Variants in TUT7 observed in about 807,000 individuals in gnomAD.
TUT7 encodes terminal uridylyltransferase 7.
Under a neutral mutation model 165.9 loss-of-function variants are expected in TUT7, and 33 were observed. The ratio of observed to expected loss-of-function variants is 0.20; its 90% CI spans 0.15 to 0.27. The LOEUF is 0.27. Ranked by LOEUF, TUT7 falls within the 10% of genes least tolerant of loss-of-function variation. The pLI is 1.00. For missense variants in TUT7, 1,338 were observed against 1,762.3 expected, an observed-to-expected ratio of 0.76 and a Z score of 4.31; for synonymous variants, 552 against 608.1, an observed-to-expected ratio of 0.91 and a Z score of 1.36.
intron 5 of TUT7, among the ~76,000 whole-genome samples, chr9:86,343,430 T>C (rs1388524494): frequency 1.3e-5 from 2 of 152,188 alleles, no homozygotes; most frequent in Non-Finnish European, 2.9e-5. Flanking sequence ...TACGTTATCA[T>C]GTATTTTATG....
At chr9:86,347,823 C>T (rs1243829193) in intron 2 of TUT7, among the ~76,000 whole-genome samples, 2 of 152,090 alleles carry the variant, frequency 1.3e-5, no homozygotes, top group Non-Finnish European at 2.9e-5. Context: ...TTAATACTCC[C>T]CCGACTCCCA....
rs369332289 is a variant in TUT7, at chr9:86,346,395, A to C, written c.606T>G (p.Pro202=). The C allele has an allele frequency of 5.6e-6, 9 of 1,614,004 alleles. No individual in the cohort carries two copies. Among genetic ancestry groups the C allele is most frequent in the Non-Finnish European group, 7.6e-6 (9 of 1,179,994 alleles). Residue 202 remains proline, a synonymous_variant, in exon 3 of 27, where the codon CCT becomes CCG. Coordinates refer to ENST00000375963, the MANE Select transcript of TUT7 (RefSeq NM_024617.4). ...ENEQDGDLEG[P]VIDESVLSTK... Reference sequence around the variant, plus strand: ...TTGAAAGTACAGACTCATCGATCACAGGGCCTTCCAAGTCTCCATCCTGCT... The same window carrying C: ...TTGAAAGTACAGACTCATCGATCACCGGGCCTTCCAAGTCTCCATCCTGCT...
In TUT7 at chr9:86,288,821, C is replaced by G. The variant is rs896587299; in HGVS notation, c.4421-77G>C. The G allele has an allele frequency of 4.3e-6, 5 of 1,171,704 alleles. No individual in the cohort carries two copies. The African/African-American group carries it at 7.7e-5, about 18-fold the overall frequency. 72.6% of individuals were successfully genotyped at this position (1,171,704 alleles called of 1,614,324 possible). ...TATGACAAAAGCCATAAAATTACTT[C>G]TTATTAAGTAGTCACAAAAACTTCA... On this transcript the variant is annotated intron_variant, in intron 26 of 26. Coordinates refer to ENST00000375963, the MANE Select transcript of TUT7 (RefSeq NM_024617.4).
chr9:86,296,734 C>T (rs949351124), intron 26 of TUT7, among the ~76,000 whole-genome samples: 6 of 152,154 alleles, frequency 3.9e-5, no homozygotes, highest in Non-Finnish European at 7.3e-5. Context: ...AGGGGCTGTC[C>T]GTATCAACAT....
intron 2 of TUT7, chr9:86,352,438 G>T: frequency 1.7e-6 from 1 of 582,134 alleles, no homozygotes; most frequent in Non-Finnish European, 3.0e-6. Flanking sequence ...CATGTTTACT[G>T]ACGTAAAGTG....
rs1410680883 is a variant in TUT7 at position 86,311,369 on chromosome 9, T to C, written c.3275-560A>G. Among the ~76,000 whole-genome samples the C allele has an allele frequency of 6.6e-6, 1 of 152,044 alleles. No homozygotes were observed. The highest frequency in any genetic ancestry group is 6.6e-5 in the Admixed American group (1 of 15,260). ...GCAAAAATAGTGGCAGTTGAGCAAA[T>C]TTACCAGGCAAGGCAAACTGTACAC... On this transcript the variant is annotated intron_variant, in intron 17 of 26. Transcript: ENST00000375963. The surrounding 1 kb of genome is among the most constrained non-coding windows in gnomAD (Gnocchi z 4.4).
intron 20 of TUT7, 67 bp downstream of exon 20, chr9:86,309,396 A>G (rs984255394): frequency 6.8e-7 from 1 of 1,479,794 alleles, no homozygotes; most frequent in African/African-American, 1.4e-5. Context: ...ACAGAATTTT[A>G]GAGGAGGAGA....
In TUT7 at chr9:86,338,772, A is replaced by G. The variant is rs115863104; in HGVS notation, c.1335+51T>C. The G allele has an allele frequency of 9.1e-4, 1,300 of 1,431,394 alleles. 13 individuals carry two copies. In the African/African-American group the frequency reaches 0.017, roughly 19 times the overall value. The allele number at this position is 1,431,394 out of a possible 1,614,324, so 88.7% of individuals were successfully genotyped here. A position where few individuals can be genotyped will look rare whatever the true frequency, so the allele number is the denominator to read the frequency against. On this transcript the variant is annotated intron_variant, in intron 9 of 26. Coordinates refer to ENST00000375963, the MANE Select transcript of TUT7 (RefSeq NM_024617.4). ...TTAAATTAAGTAAAAATCAAAGCAT[A>G]CTGCTTATACATATGTAGAATGTAT...
intron 18 of TUT7, among the ~76,000 whole-genome samples, chr9:86,310,242 A>G (rs900890460): frequency 4.6e-5 from 7 of 152,238 alleles, no homozygotes; most frequent in African/African-American, 1.7e-4. Context: ...TTAAACTGGA[A>G]TATTTTAAAT....
chr9:86,332,359 T>TA (rs57418633), intron 10 of TUT7, among the ~76,000 whole-genome samples: 6 of 151,900 alleles, frequency 3.9e-5, no homozygotes, highest in African/African-American at 1.2e-4. Flanking sequence ...TATGCAGCCA[T>TA]AAAAAAACCC....
chr9:86,340,239 G>A, intron 7 of TUT7, 134 bp from the exon 8 acceptor site: 1 of 665,786 alleles, frequency 1.5e-6, no homozygotes, highest in Non-Finnish European at 2.6e-6. Flanking sequence ...ATAATGCTCT[G>A]CAATGACTTG....
intron 2 of TUT7, 84 bp downstream of exon 2, chr9:86,352,596 G>A: frequency 3.3e-6 from 5 of 1,526,500 alleles, no homozygotes; most frequent in Non-Finnish European, 4.5e-6. Context: ...CTAAATTGCT[G>A]AAAATAACAA....
chr9:86,350,745 A>C (rs1233036833), intron 2 of TUT7, among the ~76,000 whole-genome samples: 1 of 152,226 alleles, frequency 6.6e-6, no homozygotes, highest in Non-Finnish European at 1.5e-5. Flanking sequence ...TTAAAGATTT[A>C]AGTTTTATGT....
At chr9:86,304,780 G>A (rs1176471859) in intron 24 of TUT7, 76 bp downstream of exon 24, 4 of 880,282 alleles carry the variant, frequency 4.5e-6, no homozygotes, top group Non-Finnish European at 7.1e-6. Context: ...AAATATTTAA[G>A]TTACTACTGA....
chr9:86,328,514 C>T (rs1830010373), intron 10 of TUT7, 22 bp from the exon 11 acceptor site: 1 of 1,582,310 alleles, frequency 6.3e-7, no homozygotes, highest in East Asian at 2.3e-5. Context: ...TAGACACATG[C>T]TAAAATAAGA....
At chr9:86,313,160 A>C (rs1828378654) in intron 17 of TUT7, among the ~76,000 whole-genome samples, 1 of 151,536 alleles carries the variant, frequency 6.6e-6, no homozygotes, top group Non-Finnish European at 1.5e-5. Context: ...AAATAAATAA[A>C]TAAATAAAAA....
chr9:86,310,488 A>G (rs948716763), intron 18 of TUT7, among the ~76,000 whole-genome samples: 4 of 152,194 alleles, frequency 2.6e-5, no homozygotes, highest in Non-Finnish European at 5.9e-5. Flanking sequence ...AAACACCCCT[A>G]AAGGGTCAGA....
Position 86,322,468 on chromosome 9 carries a change from G to A in TUT7, c.2885C>T (p.Thr962Met), listed in dbSNP as rs574993579. The stretch of plus-strand genomic sequence containing the variant: ...TCGTTTGCATAAGCTGCACACTACC[G>A]TAGGAGACTGCAGGAATATGGCAAA... ...KLIFTKGKSP[T>M]VVCSLCKREG... Residue 962 changes from threonine to methionine, a missense_variant, in exon 14 of 27, where the codon ACG (threonine) becomes ATG (methionine). Thr to Met is a moderately conservative substitution (Grantham distance 81). Transcript: ENST00000375963. 116 of 1,609,306 alleles carry A rather than the reference G, an allele frequency of 7.2e-5. 2 individuals carry two copies. In the South Asian group the frequency reaches 7.5e-4, roughly 10 times the overall value.
intron 18 of TUT7, 23 bp from the exon 19 acceptor site, chr9:86,310,040 A>G (rs1452797287): frequency 1.3e-6 from 2 of 1,583,728 alleles, no homozygotes; most frequent in Non-Finnish European, 1.7e-6. Context: ...AAATAACACT[A>G]TAAGACTAAC....
Sources: allele counts gnomAD v4.1 joint callset (sites outside exome capture counted in the v4.1 genomes callset), GRCh38; gene constraint gnomAD v4.1.1; non-coding constraint Gnocchi (gnomAD v3.1); transcripts MANE v1.5; gene names NCBI Gene and HGNC (gene_info 2026-07-23, HGNC 2026-07-21).